Variants in CMTM8 observed in about 807,000 individuals in gnomAD.
The protein encoded by CMTM8 is CKLF-like MARVEL transmembrane domain-containing protein 8.
In CMTM8, 12 loss-of-function variants were observed where a neutral mutation model predicts 18.6. That is an observed-to-expected ratio of 0.65 (90% CI 0.41 to 1.05). CMTM8 has a LOEUF of 1.05. Ranked by LOEUF, CMTM8 falls within the 50% of genes least tolerant of loss-of-function variation. CMTM8 has a pLI of 0.00. For synonymous variants in CMTM8, 87 were observed against 90.6 expected (o/e 0.96, Z 0.23); for missense variants, 217 against 227.2 (o/e 0.95, Z 0.29).
Position 32,357,370 on chromosome 3 carries a change from C to T in CMTM8, c.148-3C>T, listed in dbSNP as rs1374672977. On this transcript the variant is annotated splice_polypyrimidine_tract_variant and splice_region_variant and intron_variant, in intron 1 of 3. Transcript: ENST00000307526. ...TCTCTCCACTGCTTCTACCACTTTA[C>T]AGGTTCTGGGGCTGCTGGTATGGAC... 1.4e-5 allele frequency: 22 copies of T among 1,613,100 alleles called. No homozygotes were observed. The highest frequency in any genetic ancestry group is 1.9e-5 in the Non-Finnish European group (22 of 1,179,650).
rs558820613 is a variant in CMTM8, at chr3:32,319,259, A to G, written c.148-38114A>G. Among the ~76,000 whole-genome samples the G allele has an allele frequency of 2.6e-3, 384 of 150,340 alleles. 3 individuals are homozygous for G. The highest frequency in any genetic ancestry group is 3.8e-3 in the Non-Finnish European group (259 of 67,644). On this transcript the variant is annotated intron_variant, in intron 1 of 3. Coordinates refer to ENST00000307526, the MANE Select transcript of CMTM8 (RefSeq NM_178868.5). ...ATGCCTGGCTAATTTTTGTATTTTT[A>G]GTAGAGACAGGGTTTCACCATATTG...
At chr3:32,357,679 G>A in intron 2 of CMTM8, 133 bp downstream of exon 2, 2 of 825,872 alleles carry the variant, frequency 2.4e-6, no homozygotes, top group Non-Finnish European at 1.8e-6. Context: ...CAACACAGCA[G>A]ATAATCTCAG....
chr3:32,239,089 C>T lies in CMTM8; in HGVS notation c.117C>T (p.Thr39=). 6.2e-7 allele frequency: 1 copy of T among 1,601,464 alleles called. No individual in the cohort carries two copies. The highest frequency in any genetic ancestry group is 1.3e-5 in the African/African-American group (1 of 74,682). ...SFAYDREFLR[T]LPGFLIVAEI... is the part of the protein sequence containing the mutation. The stretch of plus-strand genomic sequence containing the variant: ...CCTACGACCGGGAGTTCCTCCGCAC[C>T]CTGCCCGGCTTCCTCATCGTGGCCG... The change falls in exon 1 of 4, where the codon ACC becomes ACT. Residue 39 remains threonine (T), a synonymous_variant. Coordinates refer to ENST00000307526, the MANE Select transcript of CMTM8 (RefSeq NM_178868.5).
intron 1 of CMTM8, among the ~76,000 whole-genome samples, chr3:32,277,810 G>A (rs1224843079): frequency 6.6e-6 from 1 of 152,118 alleles, no homozygotes; most frequent in Non-Finnish European, 1.5e-5. Flanking sequence ...TGGAAAATTG[G>A]ACAAATGCAC....
intron 1 of CMTM8, among the ~76,000 whole-genome samples, chr3:32,242,516 C>T (rs1317077281): frequency 6.6e-6 from 1 of 151,988 alleles, no homozygotes; most frequent in Non-Finnish European, 1.5e-5. Flanking sequence ...TTTGTAGAGA[C>T]AGGGTTTCGC....
chr3:32,260,250 C>G (rs1702237200), intron 1 of CMTM8: 2 of 1,320,636 alleles, frequency 1.5e-6, no homozygotes, highest in Non-Finnish European at 2.1e-6. Flanking sequence ...AGCAGGGTAC[C>G]CTTTGGGGAT....
intron 1 of CMTM8, among the ~76,000 whole-genome samples, chr3:32,289,923 A>G (rs1702751164): frequency 6.6e-6 from 1 of 152,080 alleles, no homozygotes; most frequent in Non-Finnish European, 1.5e-5. Flanking sequence ...TCGAGCTTAG[A>G]AGTTCAAGGT....
chr3:32,245,333 T>C lies in CMTM8; in HGVS notation c.147+6214T>C, dbSNP rs558607449. On this transcript the variant is annotated intron_variant, in intron 1 of 3. Transcript: ENST00000307526. ...TTTCAAATCACTTGTCAAAATCGCTTGCTCTGGTTTTGGGGGTGAGTGGTA... is the reference window on the plus strand; with the variant it reads ...TTTCAAATCACTTGTCAAAATCGCTCGCTCTGGTTTTGGGGGTGAGTGGTA... Among the ~76,000 whole-genome samples, 10 of 152,364 alleles carry C rather than the reference T, an allele frequency of 6.6e-5. No individual in the cohort carries two copies. In the South Asian group the frequency reaches 2.1e-3, roughly 32 times the overall value.
chr3:32,318,789 G>A (rs1260381183), intron 1 of CMTM8, among the ~76,000 whole-genome samples: 9 of 150,440 alleles, frequency 6.0e-5, no homozygotes, highest in African/African-American at 1.2e-4. Context: ...GGATGGTCTC[G>A]ATCTCCTGAC....
chr3:32,297,896 G>A (rs997755067), intron 1 of CMTM8, among the ~76,000 whole-genome samples: 26 of 151,740 alleles, frequency 1.7e-4, no homozygotes, highest in African/African-American at 6.3e-4. Context: ...GTGTTTATGA[G>A]GGAACCCTGG....
At chr3:32,259,910 AG>A (rs967917535) in intron 1 of CMTM8, 9 of 1,043,158 alleles carry the variant, frequency 8.6e-6, no homozygotes, top group African/African-American at 1.6e-5. Context: ...GAACAGCCTG[AG>A]GGAGGTGGAG....
At chr3:32,249,422 C>A (rs1413343468) in intron 1 of CMTM8, among the ~76,000 whole-genome samples, 1 of 148,724 alleles carries the variant, frequency 6.7e-6, no homozygotes, top group African/African-American at 2.5e-5. Context: ...AAAGTAAGAT[C>A]CTACCTCAAA....
rs987219165 is a variant in CMTM8, at chr3:32,358,177, A to G, written c.321+631A>G. On this transcript the variant is annotated intron_variant, in intron 2 of 3. Coordinates refer to ENST00000307526, the MANE Select transcript of CMTM8 (RefSeq NM_178868.5). The surrounding 1 kb of genome is among the most constrained non-coding windows in gnomAD (Gnocchi z 4.1). ...GTAGATACGAGACCCTGTGGCATAC[A>G]CTGCAGTGAAGCTGTGTAGAAAGTG... Among the ~76,000 whole-genome samples, 1 of 152,188 alleles carries G rather than the reference A, an allele frequency of 6.6e-6. No homozygotes were observed. Among genetic ancestry groups the G allele is most frequent in the Non-Finnish European group, 1.5e-5 (1 of 68,028 alleles).
At chr3:32,356,296 C>T (rs1696812436) in intron 1 of CMTM8, among the ~76,000 whole-genome samples, 1 of 152,238 alleles carries the variant, frequency 6.6e-6, no homozygotes, top group Admixed American at 6.5e-5. Flanking sequence ...AGAGCCCACC[C>T]TGGACTCCTG....
intron 1 of CMTM8, among the ~76,000 whole-genome samples, chr3:32,348,255 A>C (rs1201983154): frequency 1.3e-5 from 2 of 152,180 alleles, no homozygotes; most frequent in Non-Finnish European, 2.9e-5. Flanking sequence ...CTTTTAGAAA[A>C]GATTAAAAAC....
chr3:32,331,515 C>A (rs1696273719), intron 1 of CMTM8, among the ~76,000 whole-genome samples: 1 of 145,486 alleles, frequency 6.9e-6, no homozygotes. Context: ...TTAAATTCAG[C>A]TGATTAAAAA....
At chr3:32,244,304 C>T (rs1701983695) in intron 1 of CMTM8, among the ~76,000 whole-genome samples, 1 of 152,200 alleles carries the variant, frequency 6.6e-6, no homozygotes, top group Non-Finnish European at 1.5e-5. Flanking sequence ...GTCCTCCCGC[C>T]ACAGTCTCCT....
chr3:32,272,866 G>T (rs7625815), intron 1 of CMTM8, among the ~76,000 whole-genome samples: 32,921 of 152,038 alleles, frequency 0.22, 3,712 homozygotes, highest in Admixed American at 0.27. Flanking sequence ...GTGGTTTCCT[G>T]TTAGACTTTC....
At chr3:32,310,877 T>C (rs1329877145) in intron 1 of CMTM8, among the ~76,000 whole-genome samples, 1 of 152,262 alleles carries the variant, frequency 6.6e-6, no homozygotes, top group Non-Finnish European at 1.5e-5. Flanking sequence ...ATTTTTGCTT[T>C]TCTTTCTGGA....
Sources: gnomAD v4.1 joint callset for allele counts (sites outside exome capture counted in the v4.1 genomes callset) on GRCh38, gnomAD v4.1.1 for gene constraint, Gnocchi (gnomAD v3.1) non-coding constraint, MANE v1.5 for transcripts, NCBI Gene and HGNC (gene_info 2026-07-23, HGNC 2026-07-21) for gene names.